The following TENM2 variants were observed in gnomAD, a reference collection of about 807,000 sequenced individuals.
TENM2 encodes the protein teneurin transmembrane protein 2.
A neutral mutation model predicts 245.2 loss-of-function variants in TENM2; 52 were observed. The observed-to-expected ratio is 0.21, with a 90% CI of 0.17 to 0.27. The LOEUF (loss-of-function observed/expected upper bound fraction) is 0.27. Ranked by LOEUF, TENM2 falls within the 10% of genes least tolerant of loss-of-function variation. The pLI is 1.00. For missense variants in TENM2, 3,046 were observed against 3,666.8 expected (o/e 0.83, Z 4.37); for synonymous variants, 1,363 against 1,438.9 (o/e 0.95, Z 1.19).
chr5:167,400,547 A>G (rs1355458388), intron 2 of TENM2, among the ~76,000 whole-genome samples: 1 of 151,978 alleles, frequency 6.6e-6, no homozygotes, highest in Non-Finnish European at 1.5e-5. Context: ...TTTTATGGAA[A>G]TAATCAGAAC....
At chr5:168,207,585 A>G (rs186523958) in intron 19 of TENM2, among the ~76,000 whole-genome samples, 3 of 152,258 alleles carry the variant, frequency 2.0e-5, no homozygotes, top group Admixed American at 2.0e-4. Flanking sequence ...TTCCCACTAC[A>G]TACCTGAAAA....
At chr5:167,679,696 A>G (rs558505354) in intron 2 of TENM2, among the ~76,000 whole-genome samples, 11 of 152,186 alleles carry the variant, frequency 7.2e-5, no homozygotes, top group Non-Finnish European at 1.0e-4. Flanking sequence ...ATACTTTGGC[A>G]TTATAAGCAG....
At chr5:167,612,255 C>G (rs1017342275) in intron 2 of TENM2, among the ~76,000 whole-genome samples, 13 of 152,090 alleles carry the variant, frequency 8.5e-5, no homozygotes, top group African/African-American at 2.9e-4. Context: ...TGCTCCCACC[C>G]CTTCATTACT....
the TENM2 span, among the ~76,000 whole-genome samples, chr5:167,164,454 G>A: frequency 1.3e-5 from 2 of 152,140 alleles, no homozygotes; most frequent in Admixed American, 6.5e-5. Context: ...ATTATGTTCT[G>A]AGGCTAAAAT....
chr5:168,168,029 C>G (rs1372824505), intron 13 of TENM2, among the ~76,000 whole-genome samples: 6 of 152,144 alleles, frequency 3.9e-5, no homozygotes, highest in Admixed American at 6.5e-5. Context: ...CCAGTGTACA[C>G]AACCACAAAG....
chr5:167,126,763 C>T, the TENM2 span, among the ~76,000 whole-genome samples: 14 of 151,966 alleles, frequency 9.2e-5, no homozygotes, highest in Non-Finnish European at 1.9e-4. Context: ...GAGGAAAACC[C>T]CAAAGATTAC....
intron 3 of TENM2, among the ~76,000 whole-genome samples, chr5:167,912,191 C>G (rs1168518432): frequency 6.6e-6 from 1 of 152,198 alleles, no homozygotes; most frequent in African/African-American, 2.4e-5. Context: ...CCACCCTACT[C>G]TCTGCTTCTG....
At chr5:167,264,254 G>T in the TENM2 span, among the ~76,000 whole-genome samples, 97,899 of 151,918 alleles carry the variant, frequency 0.64, 33,494 homozygotes, top group Middle Eastern at 0.85. Flanking sequence ...TTTGCAAAAG[G>T]AATCAAAAGA....
At position 168,218,702 on chromosome 5, in the gene TENM2, A is replaced by G; in HGVS notation, c.4811A>G (p.Tyr1604Cys). The change falls in exon 23 of 29, where the codon TAC (tyrosine) becomes TGC (cysteine). Residue 1604 changes from tyrosine (Y) to cysteine (C), a missense_variant. Transcript: ENST00000518659. This position sits in a 1 kb window ranked among gnomAD's most constrained non-coding sequence, Gnocchi z 5.2. ...TTCAACGCTGATGGCATCCACCAAT[A>G]CACTGTGAGCCTGGTGACAGGGGAG... is the stretch of plus-strand genomic sequence containing the variant. 6.2e-7 allele frequency: 1 copy of G among 1,613,998 alleles called. No homozygotes were observed. Among genetic ancestry groups the G allele is most frequent in the South Asian group, 1.1e-5 (1 of 91,072 alleles).
Position 167,569,078 on chromosome 5 carries a change from C to CTTTTTT in TENM2, c.502+193630_502+193635dup, listed in dbSNP as rs34311803. 8.2e-4 allele frequency among the ~76,000 whole-genome samples: 40 copies of CTTTTTT among 48,970 alleles called. 3 individuals carry two copies. Among genetic ancestry groups the CTTTTTT allele is most frequent in the African/African-American group, 2.2e-3 (24 of 10,796 alleles). 32.1% of individuals were successfully genotyped at this position (48,970 alleles called of 152,430 possible). A position where few individuals can be genotyped will look rare whatever the true frequency, so the allele number is the denominator to read the frequency against. ...ATCAATGAGTATCACCTTCCTACAG[C>CTTTTTT]TTTTTTTTTTTTTTTTTTTTTTTTT... On this transcript the variant is annotated intron_variant, in intron 2 of 28. Coordinates refer to ENST00000518659, the Ensembl canonical transcript of TENM2.
At chr5:167,813,063 C>T (rs978383820) in intron 2 of TENM2, among the ~76,000 whole-genome samples, 4 of 152,142 alleles carry the variant, frequency 2.6e-5, no homozygotes, top group African/African-American at 9.6e-5. Context: ...TTCTGTAGGG[C>T]AGCTGCTGGA....
At chr5:167,628,829 A>G (rs562750532) in intron 2 of TENM2, among the ~76,000 whole-genome samples, 6 of 152,314 alleles carry the variant, frequency 3.9e-5, no homozygotes, top group African/African-American at 1.4e-4. Flanking sequence ...TACTATTGCT[A>G]ATATTCTGCA....
chr5:167,850,191 A>G lies in TENM2; in HGVS notation c.503-25795A>G, dbSNP rs537332993. Among the ~76,000 whole-genome samples the G allele has an allele frequency of 5.3e-5, 8 of 152,308 alleles. No individual in the cohort carries two copies. The South Asian group carries it at 1.7e-3, about 32-fold the overall frequency. On this transcript the variant is annotated intron_variant, in intron 2 of 28. Coordinates refer to ENST00000518659, the Ensembl canonical transcript of TENM2. ...ACAAAAGACATTCATATCTCCAGAG[A>G]TACCAAGGATTTTAGGAATTGTATG...
At chr5:168,142,235 G>A (rs906527963) in intron 12 of TENM2, among the ~76,000 whole-genome samples, 4 of 152,150 alleles carry the variant, frequency 2.6e-5, no homozygotes, top group African/African-American at 7.2e-5. Context: ...TTCTACTTTC[G>A]GCCCTGCTCA....
At chr5:167,800,156 T>G (rs576948729) in intron 2 of TENM2, among the ~76,000 whole-genome samples, 7 of 152,338 alleles carry the variant, frequency 4.6e-5, no homozygotes, top group African/African-American at 1.7e-4. Context: ...GTGCATGCAT[T>G]TGTTTCTATG....
chr5:167,878,988 A>G (rs575806943), intron 3 of TENM2, among the ~76,000 whole-genome samples: 45 of 152,300 alleles, frequency 3.0e-4, no homozygotes, highest in African/African-American at 1.1e-3. Flanking sequence ...ACAGTAAAAC[A>G]TTATTTCCTG....
chr5:167,674,090 T>C (rs1258163424), intron 2 of TENM2, among the ~76,000 whole-genome samples: 1 of 152,114 alleles, frequency 6.6e-6, no homozygotes, highest in African/African-American at 2.4e-5. Context: ...GACTAGAATT[T>C]CTCCATTACA....
At chr5:168,241,225 A>T (rs6882169) in intron 25 of TENM2, 32,538 of 151,324 alleles carry the variant, frequency 0.22, 4,335 homozygotes, top group South Asian at 0.33. Context: ...TTCCCTCCCC[A>T]TGCTTTGATG....
intron 2 of TENM2, among the ~76,000 whole-genome samples, chr5:167,746,128 A>G (rs1259190522): frequency 1.3e-5 from 2 of 152,158 alleles, no homozygotes; most frequent in Non-Finnish European, 2.9e-5. Context: ...ACTTGAAACA[A>G]TGTTTCCAGA....
Sources: allele counts gnomAD v4.1 joint callset (sites outside exome capture counted in the v4.1 genomes callset), GRCh38; gene constraint gnomAD v4.1.1; non-coding constraint Gnocchi (gnomAD v3.1); transcripts MANE v1.5; gene names NCBI Gene and HGNC (gene_info 2026-07-23, HGNC 2026-07-21).